The following NXPH1 variants were observed in gnomAD, a reference collection of about 807,000 sequenced individuals.
The protein encoded by NXPH1 is neurexophilin-1.
A neutral mutation model predicts 23.7 loss-of-function variants in NXPH1; 5 were observed. That is an observed-to-expected ratio of 0.21 (90% CI 0.11 to 0.44). The LOEUF (loss-of-function observed/expected upper bound fraction) is 0.44, where lower values mean the gene tolerates loss of function less well. Among genes scored for constraint, NXPH1 ranks in the 20% least tolerant of loss-of-function variants. NXPH1 has a pLI of 0.99. For synonymous variants in NXPH1, 144 were observed against 122.2 expected, an observed-to-expected ratio of 1.18 and a Z score of -1.18; for missense variants, 324 against 321.6, an observed-to-expected ratio of 1.01 and a Z score of -0.06.
chr7:8,493,092 C>T lies in NXPH1; in HGVS notation c.54+57325C>T, dbSNP rs149575365. ...TGTGATGAATAATCCACTCTCCTCT[C>T]GACTATCTTTGTGAGGCAGGGTAAA... On this transcript the variant is annotated intron_variant, in intron 2 of 2. Coordinates refer to ENST00000405863, the MANE Select transcript of NXPH1 (RefSeq NM_152745.3). Among the ~76,000 whole-genome samples, 372 of 152,048 alleles carry T rather than the reference C, an allele frequency of 2.4e-3. 2 individuals carry two copies. Among genetic ancestry groups the T allele is most frequent in the African/African-American group, 8.3e-3 (345 of 41,524 alleles).
At chr7:8,500,099 C>A (rs1165670825) in intron 2 of NXPH1, among the ~76,000 whole-genome samples, 1 of 152,050 alleles carries the variant, frequency 6.6e-6, no homozygotes, top group African/African-American at 2.4e-5. Context: ...ATACTGCATC[C>A]AGGTATAAAC....
intron 2 of NXPH1, among the ~76,000 whole-genome samples, chr7:8,443,164 A>T (rs544847142): frequency 9.1e-4 from 138 of 152,306 alleles, no homozygotes; most frequent in Non-Finnish European, 3.4e-4. Flanking sequence ...GGGGGCAGCT[A>T]GCTCCCGTCT....
chr7:8,651,120 C>T (rs1388159634), intron 2 of NXPH1, among the ~76,000 whole-genome samples: 1 of 149,858 alleles, frequency 6.7e-6, no homozygotes, highest in Admixed American at 6.7e-5. Context: ...TATCCCTCCC[C>T]ACTCCCCCCA....
In NXPH1 at chr7:8,694,871, T is replaced by G. The variant is rs184750260; in HGVS notation, c.55-56137T>G. Among the ~76,000 whole-genome samples the G allele has an allele frequency of 2.3e-3, 349 of 152,300 alleles. 2 individuals carry two copies. Among genetic ancestry groups the G allele is most frequent in the Middle Eastern group, 0.02 (6 of 294 alleles). On this transcript the variant is annotated intron_variant, in intron 2 of 2. Coordinates refer to ENST00000405863, the MANE Select transcript of NXPH1 (RefSeq NM_152745.3). ...AAATGAGAAGAGAGTAAAAAATAAC[T>G]GTTAAATTAAGTTTAAAATGAATAC...
chr7:8,665,725 T>A lies in NXPH1; in HGVS notation c.55-85283T>A, dbSNP rs116842079. Among the ~76,000 whole-genome samples the A allele has an allele frequency of 1.8e-3, 267 of 152,092 alleles. 8 individuals carry two copies. The East Asian group carries it at 0.043, about 25-fold the overall frequency. On this transcript the variant is annotated intron_variant, in intron 2 of 2. Coordinates refer to ENST00000405863, the MANE Select transcript of NXPH1 (RefSeq NM_152745.3). ...TATAGTTTTCAGTGCACAGATCTTT[T>A]ACCTTCTTAGCTGAATTATTTTAAA...
intron 2 of NXPH1, among the ~76,000 whole-genome samples, chr7:8,746,678 A>G (rs1780475017): frequency 6.6e-6 from 1 of 152,196 alleles, no homozygotes; most frequent in Non-Finnish European, 1.5e-5. Flanking sequence ...AAATTATTTT[A>G]TTGTGGTATG....
intron 2 of NXPH1, among the ~76,000 whole-genome samples, chr7:8,669,288 C>T (rs927348183): frequency 6.6e-6 from 1 of 152,146 alleles, no homozygotes; most frequent in Non-Finnish European, 1.5e-5. Context: ...AAGCCTGGGG[C>T]TGTGTGGGTC....
intron 2 of NXPH1, among the ~76,000 whole-genome samples, chr7:8,489,281 G>A (rs1436065692): frequency 6.6e-6 from 1 of 152,010 alleles, no homozygotes; most frequent in Non-Finnish European, 1.5e-5. Flanking sequence ...TATCGAAAAG[G>A]ACCCTTCTTC....
intron 2 of NXPH1, among the ~76,000 whole-genome samples, chr7:8,559,927 C>A (rs1251826060): frequency 6.6e-6 from 1 of 151,634 alleles, no homozygotes; most frequent in African/African-American, 2.4e-5. Flanking sequence ...ACTAGGCTGA[C>A]ATGAAAGATT....
At chr7:8,518,572 G>T (rs756613528) in intron 2 of NXPH1, among the ~76,000 whole-genome samples, 1 of 151,898 alleles carries the variant, frequency 6.6e-6, no homozygotes, top group Non-Finnish European at 1.5e-5. Context: ...CTGTAACCTC[G>T]AACTCCTGGG....
intron 2 of NXPH1, among the ~76,000 whole-genome samples, chr7:8,505,284 T>G (rs1467634435): frequency 6.6e-6 from 1 of 151,988 alleles, no homozygotes; most frequent in African/African-American, 2.4e-5. Flanking sequence ...TTCAAAACTT[T>G]CCTAATAATT....
intron 2 of NXPH1, among the ~76,000 whole-genome samples, chr7:8,641,979 TC>T (rs1820321240): frequency 6.6e-6 from 1 of 152,180 alleles, no homozygotes; most frequent in African/African-American, 2.4e-5. Context: ...TTGGAGACAT[TC>T]CTGGAGCCCT....
At chr7:8,466,781 T>G (rs773253541) in intron 2 of NXPH1, among the ~76,000 whole-genome samples, 18 of 152,170 alleles carry the variant, frequency 1.2e-4, no homozygotes, top group Non-Finnish European at 2.6e-4. Flanking sequence ...TCTTGAAAAT[T>G]TACTTTTCTT....
chr7:8,522,303 G>A (rs1336203190), intron 2 of NXPH1, among the ~76,000 whole-genome samples: 1 of 152,154 alleles, frequency 6.6e-6, no homozygotes, highest in Non-Finnish European at 1.5e-5. Context: ...TGCTGGGCTA[G>A]CTCTCCAGTT....
intron 2 of NXPH1, among the ~76,000 whole-genome samples, chr7:8,556,757 C>T (rs973344694): frequency 2.0e-5 from 3 of 151,692 alleles, no homozygotes; most frequent in Non-Finnish European, 3.0e-5. Context: ...CACAAAGTCA[C>T]ATTACATAAA....
At chr7:8,545,804 A>G (rs1236052549) in intron 2 of NXPH1, among the ~76,000 whole-genome samples, 1 of 151,520 alleles carries the variant, frequency 6.6e-6, no homozygotes, top group African/African-American at 2.4e-5. Context: ...TTCTTAATCC[A>G]TGGCAACTAA....
intron 2 of NXPH1, among the ~76,000 whole-genome samples, chr7:8,603,934 C>G (rs1819418956): frequency 6.6e-6 from 1 of 152,052 alleles, no homozygotes; most frequent in South Asian, 2.1e-4. Context: ...CTAAAAATAT[C>G]AAGACTATTA....
chr7:8,620,120 A>G, intron 2 of NXPH1, among the ~76,000 whole-genome samples: 1 of 152,156 alleles, frequency 6.6e-6, no homozygotes, highest in East Asian at 1.9e-4. Context: ...CCTCAGTGCA[A>G]CACAGAACTA....
At chr7:8,735,336 G>C (rs1230524807) in intron 2 of NXPH1, among the ~76,000 whole-genome samples, 1 of 152,182 alleles carries the variant, frequency 6.6e-6, no homozygotes, top group Non-Finnish European at 1.5e-5. Flanking sequence ...AGTTTATTGA[G>C]AGTTTCTAGC....
Sources: allele counts gnomAD v4.1 joint callset (sites outside exome capture counted in the v4.1 genomes callset), GRCh38; gene constraint gnomAD v4.1.1; transcripts MANE v1.5; gene names NCBI Gene and HGNC (gene_info 2026-07-23, HGNC 2026-07-21).